EPHA6: variants seen among roughly 807,000 people sequenced by gnomAD.
EPHA6 encodes the protein ephrin type-A receptor 6.
Under a neutral mutation model 112.0 loss-of-function variants are expected in EPHA6, and 50 were observed. That is an observed-to-expected ratio of 0.45 (90% CI 0.36 to 0.56). The LOEUF is 0.56. Among genes scored for constraint, EPHA6 ranks in the 20% least tolerant of loss-of-function variants. The pLI is 0.00. For missense variants in EPHA6, 1,280 were observed against 1,417.4 expected (o/e 0.90, Z 1.56); for synonymous variants, 529 against 490.7 (o/e 1.08, Z -1.03).
intron 3 of EPHA6, among the ~76,000 whole-genome samples, chr3:97,129,240 C>G (rs2048267619): frequency 6.6e-6 from 1 of 152,024 alleles, no homozygotes; most frequent in African/African-American, 2.4e-5. Context: ...TGGCTCATGC[C>G]TGTAATCCCA....
intron 13 of EPHA6, among the ~76,000 whole-genome samples, chr3:97,615,719 C>T (rs2093759946): frequency 6.6e-6 from 1 of 152,110 alleles, no homozygotes; most frequent in South Asian, 2.1e-4. Context: ...AAAACATGTC[C>T]AGATTGCCTC....
chr3:97,127,406 G>T (rs2048212116), intron 3 of EPHA6, among the ~76,000 whole-genome samples: 1 of 152,070 alleles, frequency 6.6e-6, no homozygotes, highest in Non-Finnish European at 1.5e-5. Context: ...TGCTTCATGG[G>T]AGAAGGGCTG....
intron 3 of EPHA6, among the ~76,000 whole-genome samples, chr3:97,032,626 T>C: frequency 6.6e-6 from 1 of 151,962 alleles, no homozygotes; most frequent in East Asian, 1.9e-4. Flanking sequence ...AAATACGAAG[T>C]GATAAAAGTA....
chr3:96,956,748 A>G (rs1049818711), intron 2 of EPHA6, among the ~76,000 whole-genome samples: 49 of 152,226 alleles, frequency 3.2e-4, no homozygotes, highest in African/African-American at 1.1e-3. Context: ...TGTATAAAAA[A>G]TGTAGGCTGG....
intron 16 of EPHA6, among the ~76,000 whole-genome samples, chr3:97,746,252 C>A (rs2035710993): frequency 6.6e-6 from 1 of 151,720 alleles, no homozygotes; most frequent in African/African-American, 2.4e-5. Context: ...ATATCGATTT[C>A]ACTCAAACAC....
chr3:97,059,452 T>C (rs2045950952), intron 3 of EPHA6, among the ~76,000 whole-genome samples: 1 of 152,074 alleles, frequency 6.6e-6, no homozygotes, highest in African/African-American at 2.4e-5. Flanking sequence ...GTTTGACTAG[T>C]ATAGGATTTC....
At chr3:97,160,281 CT>C (rs367995528) in intron 3 of EPHA6, among the ~76,000 whole-genome samples, 9 of 151,762 alleles carry the variant, frequency 5.9e-5, no homozygotes, top group African/African-American at 1.7e-4. Flanking sequence ...AATATCTTCA[CT>C]TTTTTTTCTG....
rs544779493 is a variant in EPHA6, at chr3:97,275,615, G to A, written c.1606+31328G>A. 1.4e-4 allele frequency among the ~76,000 whole-genome samples: 21 copies of A among 152,282 alleles called. No individual in the cohort carries two copies. The South Asian group carries it at 4.1e-3, about 30-fold the overall frequency. ...GTAAGGCTTGTCTGGTTCTAGGACA[G>A]GTAAAATGGGGGAATTGTAAGGAGA... On this transcript the variant is annotated intron_variant, in intron 5 of 17. Transcript: ENST00000389672.
intron 6 of EPHA6, among the ~76,000 whole-genome samples, 190 bp downstream of exon 6, chr3:97,405,464 G>A (rs1182315123): frequency 6.6e-6 from 1 of 151,902 alleles, no homozygotes; most frequent in Non-Finnish European, 1.5e-5. Context: ...AATTTATCTT[G>A]TTTTGTGTCA....
At chr3:96,992,989 A>G (rs1034675594) in intron 3 of EPHA6, among the ~76,000 whole-genome samples, 7 of 152,204 alleles carry the variant, frequency 4.6e-5, no homozygotes, top group East Asian at 3.9e-4. Context: ...AAAAAATCAC[A>G]TGATGTGAAT....
At chr3:96,943,613 G>C (rs972558425) in intron 2 of EPHA6, among the ~76,000 whole-genome samples, 2 of 152,202 alleles carry the variant, frequency 1.3e-5, no homozygotes, top group Non-Finnish European at 2.9e-5. Context: ...TTAACAGTGA[G>C]ACTAAACTGT....
chr3:96,815,270 T>C (rs1270821195), intron 1 of EPHA6, among the ~76,000 whole-genome samples: 2 of 152,108 alleles, frequency 1.3e-5, no homozygotes, highest in African/African-American at 2.4e-5. Context: ...GTCCCACCGC[T>C]AGCGGCCGTG....
At chr3:97,481,390 T>A in intron 9 of EPHA6, 1 of 1,498,758 alleles carries the variant, frequency 6.7e-7, no homozygotes, top group South Asian at 1.1e-5. Context: ...CTCCCTGAAA[T>A]TTTTTGCTGT....
intron 16 of EPHA6, among the ~76,000 whole-genome samples, chr3:97,742,452 T>G (rs2035544836): frequency 2.6e-5 from 4 of 152,202 alleles, no homozygotes. Flanking sequence ...TGTTCAAACA[T>G]ATCTACAACT....
chr3:97,722,256 A>G (rs2034563911), intron 15 of EPHA6, among the ~76,000 whole-genome samples: 1 of 152,220 alleles, frequency 6.6e-6, no homozygotes, highest in Non-Finnish European at 1.5e-5. Context: ...CAGATTATAT[A>G]CAAGTACTAC....
chr3:97,440,834 A>C (rs1227608576), intron 6 of EPHA6, among the ~76,000 whole-genome samples: 5 of 151,766 alleles, frequency 3.3e-5, no homozygotes, highest in African/African-American at 1.2e-4. Flanking sequence ...AGCTTACCTA[A>C]AAATAATAGG....
At chr3:97,561,451 C>A (rs1276853906) in intron 11 of EPHA6, among the ~76,000 whole-genome samples, 1 of 152,040 alleles carries the variant, frequency 6.6e-6, no homozygotes, top group South Asian at 2.1e-4. Context: ...ATAGATCAAA[C>A]CACAACATTC....
intron 14 of EPHA6, among the ~76,000 whole-genome samples, chr3:97,680,226 A>G (rs2031750565): frequency 6.6e-6 from 1 of 152,032 alleles, no homozygotes; most frequent in Non-Finnish European, 1.5e-5. Context: ...GCTCAGAATC[A>G]CTCTTCTTCT....
chr3:97,248,092 T>TA (rs200765604), intron 5 of EPHA6, among the ~76,000 whole-genome samples: 2,421 of 151,298 alleles, frequency 0.016, 74 homozygotes, highest in African/African-American at 0.055. Context: ...TAAACAAATG[T>TA]AAAAAAAAAG....
Sources: allele counts gnomAD v4.1 joint callset (sites outside exome capture counted in the v4.1 genomes callset), GRCh38; gene constraint gnomAD v4.1.1; transcripts MANE v1.5; gene names NCBI Gene and HGNC (gene_info 2026-07-23, HGNC 2026-07-21).